The following CSGALNACT1 variants were observed in gnomAD, a reference collection of about 807,000 sequenced individuals.
The protein encoded by CSGALNACT1 is chondroitin sulfate N-acetylgalactosaminyltransferase 1, also known as beta4GalNAcT-1.
CSGALNACT1 carries 52 observed loss-of-function variants against 51.0 expected under a neutral mutation model. That is an observed-to-expected ratio of 1.02 (90% CI 0.82 to 1.29). The LOEUF (loss-of-function observed/expected upper bound fraction) is 1.29. Among genes scored for constraint, CSGALNACT1 ranks in the 50% most tolerant of loss-of-function variants. CSGALNACT1 has a pLI of 0.00. For missense variants in CSGALNACT1, 935 were observed against 679.2 expected (o/e 1.38, Z -4.19); for synonymous variants, 341 against 254.4 (o/e 1.34, Z -3.24).
intron 1 of CSGALNACT1, among the ~76,000 whole-genome samples, chr8:19,642,677 T>A (rs1444517060): frequency 6.6e-6 from 1 of 151,726 alleles, no homozygotes; most frequent in Non-Finnish European, 1.5e-5. Flanking sequence ...TCCCAGCTAC[T>A]CGGGAGGCTG....
chr8:19,448,513 C>G (rs1262238457), intron 5 of CSGALNACT1, among the ~76,000 whole-genome samples: 1 of 151,998 alleles, frequency 6.6e-6, no homozygotes, highest in African/African-American at 2.4e-5. Flanking sequence ...AACTAAAGAG[C>G]CATAATATAA....
intron 1 of CSGALNACT1, among the ~76,000 whole-genome samples, chr8:19,633,100 G>C (rs945359536): frequency 2.0e-5 from 3 of 151,924 alleles, no homozygotes; most frequent in Non-Finnish European, 4.4e-5. Context: ...AAGGGAGTTT[G>C]GGGGCTGGTA....
intron 1 of CSGALNACT1, among the ~76,000 whole-genome samples, chr8:19,653,340 T>C (rs1011074219): frequency 2.0e-5 from 3 of 152,152 alleles, no homozygotes; most frequent in Admixed American, 2.0e-4. Flanking sequence ...CCTCTCTGGA[T>C]TTCAGAGGCC....
chr8:19,453,809 G>A (rs192757765), intron 5 of CSGALNACT1, among the ~76,000 whole-genome samples: 2 of 152,114 alleles, frequency 1.3e-5, no homozygotes, highest in Middle Eastern at 3.2e-3. Context: ...CTACTCGGGA[G>A]GCTGAGGTAC....
At chr8:19,471,107 A>G (rs71510651) in intron 4 of CSGALNACT1, among the ~76,000 whole-genome samples, 1 of 152,002 alleles carries the variant, frequency 6.6e-6, no homozygotes, top group Non-Finnish European at 1.5e-5. Flanking sequence ...AAACAAAACA[A>G]CAAAACAAAA....
chr8:19,425,562 A>G (rs1252380114), intron 6 of CSGALNACT1, among the ~76,000 whole-genome samples: 1 of 152,146 alleles, frequency 6.6e-6, no homozygotes, highest in Non-Finnish European at 1.5e-5. Context: ...ACTGAGGCTA[A>G]TCAGAGCCTC....
chr8:19,725,050 C>T (rs2154241854), intron 1 of CSGALNACT1, among the ~76,000 whole-genome samples: 1 of 152,340 alleles, frequency 6.6e-6, no homozygotes, highest in South Asian at 2.1e-4. Flanking sequence ...CCTGCCCATG[C>T]CTCCATCTAC....
At chr8:19,685,533 G>A (rs2060923706), upstream of CSGALNACT1, among the ~76,000 whole-genome samples, 1 of 152,172 alleles carries the variant, frequency 6.6e-6, no homozygotes, top group Non-Finnish European at 1.5e-5. Flanking sequence ...AAAATTATTT[G>A]AGGATGCTCC....
chr8:19,577,568 A>G (rs1405470688), intron 3 of CSGALNACT1, among the ~76,000 whole-genome samples: 1 of 151,804 alleles, frequency 6.6e-6, no homozygotes, highest in African/African-American at 2.4e-5. Context: ...CAAAAAAAAA[A>G]AAAATTAAAA....
At chr8:19,552,898 G>C (rs879709175) in intron 3 of CSGALNACT1, among the ~76,000 whole-genome samples, 27 of 152,166 alleles carry the variant, frequency 1.8e-4, no homozygotes, top group Non-Finnish European at 3.4e-4. Flanking sequence ...AAGAACAGGA[G>C]AGTGGCTGAT....
intron 4 of CSGALNACT1, among the ~76,000 whole-genome samples, chr8:19,489,526 C>A (rs965613714): frequency 2.0e-5 from 3 of 152,148 alleles, no homozygotes; most frequent in Non-Finnish European, 4.4e-5. Context: ...TTCATTTATT[C>A]ATTCAACAAA....
chr8:19,540,325 C>T (rs2084798633), intron 3 of CSGALNACT1, among the ~76,000 whole-genome samples: 1 of 152,134 alleles, frequency 6.6e-6, no homozygotes, highest in Non-Finnish European at 1.5e-5. Context: ...ACATGGAAAA[C>T]AGTATTTATT....
chr8:19,493,319 GTTAT>G (rs2074780355), intron 4 of CSGALNACT1, among the ~76,000 whole-genome samples: 1 of 152,070 alleles, frequency 6.6e-6, no homozygotes, highest in Non-Finnish European at 1.5e-5. Context: ...CAGAGATTGT[GTTAT>G]TTATTTATTG....
intron 3 of CSGALNACT1, among the ~76,000 whole-genome samples, chr8:19,582,629 G>A (rs890174481): frequency 7.2e-5 from 11 of 152,144 alleles, no homozygotes; most frequent in African/African-American, 2.4e-4. Context: ...TCAATCTTGG[G>A]ATCAGCTGGA....
intron 1 of CSGALNACT1, among the ~76,000 whole-genome samples, chr8:19,751,212 G>A (rs1251494621): frequency 1.3e-5 from 2 of 152,070 alleles, no homozygotes; most frequent in Non-Finnish European, 2.9e-5. Context: ...GTGCACTAAG[G>A]CCCAGCTACA....
chr8:19,500,407 G>A (rs1057230484), intron 4 of CSGALNACT1, among the ~76,000 whole-genome samples: 1 of 151,826 alleles, frequency 6.6e-6, no homozygotes, highest in Non-Finnish European at 1.5e-5. Flanking sequence ...CCTCTCAAAT[G>A]CCCAGAATGC....
At chr8:19,428,730 G>A (rs114006166) in intron 6 of CSGALNACT1, among the ~76,000 whole-genome samples, 92 of 152,094 alleles carry the variant, frequency 6.0e-4, no homozygotes, top group African/African-American at 2.2e-3. Context: ...GTTCAATTTG[G>A]TTCCACAGAG....
At chr8:19,598,025 C>G (rs1345316154) in intron 2 of CSGALNACT1, among the ~76,000 whole-genome samples, 1 of 152,196 alleles carries the variant, frequency 6.6e-6, no homozygotes, top group Non-Finnish European at 1.5e-5. Flanking sequence ...AGATAAGTCT[C>G]AGGCATGGAG....
At chr8:19,514,244 G>A (rs998531632) in intron 3 of CSGALNACT1, among the ~76,000 whole-genome samples, 2 of 151,792 alleles carry the variant, frequency 1.3e-5, no homozygotes, top group South Asian at 2.1e-4. Context: ...GGCTGTGGAA[G>A]GATCTGAAGC....
Sources: gnomAD v4.1 joint callset for allele counts (sites outside exome capture counted in the v4.1 genomes callset) on GRCh38, gnomAD v4.1.1 for gene constraint, MANE v1.5 for transcripts, NCBI Gene and HGNC (gene_info 2026-07-23, HGNC 2026-07-21) for gene names.